Variants in KIAA0753 observed in about 807,000 individuals in gnomAD.
KIAA0753 encodes the protein protein moonraker.
In KIAA0753, 114 loss-of-function variants were observed where a neutral mutation model predicts 116.9. That is an observed-to-expected ratio of 0.98 (90% CI 0.84 to 1.14). KIAA0753 has a LOEUF of 1.14. KIAA0753 is among the 50% of genes most tolerant of loss of function. The pLI, the probability that KIAA0753 is intolerant of heterozygous loss-of-function variation, is 0.00. For missense variants in KIAA0753, 1,156 were observed against 1,172.4 expected (o/e 0.99, Z 0.20); for synonymous variants, 405 against 413.1 (o/e 0.98, Z 0.24).
Position 6,628,265 on chromosome 17 carries a change from C to T in KIAA0753, c.570G>A (p.Ser190=), listed in dbSNP as rs370512281. 2.2e-5 allele frequency: 36 copies of T among 1,613,876 alleles called. No individual in the cohort carries two copies. Among genetic ancestry groups the T allele is most frequent in the Non-Finnish European group, 2.9e-5 (34 of 1,180,012 alleles). Reference sequence around the variant, plus strand: ...GAAGTCCCGGATCATGGGTGGGTGGCGAATTTGGCACAGTAAGATCTGACT... The same window carrying T: ...GAAGTCCCGGATCATGGGTGGGTGGTGAATTTGGCACAGTAAGATCTGACT... ...PGQSDLTVPN[S]PPTHDPGLQP... is the part of the protein sequence containing the mutation. Residue 190 remains serine (S), a synonymous_variant, in exon 3 of 19, where the codon TCG becomes TCA. Transcript: ENST00000361413.
At chr17:6,623,707 G>C (rs1006564684) in intron 4 of KIAA0753, 136 bp from the exon 5 acceptor site, 5 of 1,292,804 alleles carry the variant, frequency 3.9e-6, no homozygotes, top group South Asian at 1.7e-5. Context: ...TGAAAAAAAG[G>C]CTCTTCATTC....
chr17:6,596,786 T>C (rs970144436), intron 14 of KIAA0753, among the ~76,000 whole-genome samples: 4 of 152,238 alleles, frequency 2.6e-5, no homozygotes, highest in African/African-American at 7.2e-5. Flanking sequence ...TTCTTTGTCT[T>C]TGAAACTCTG....
intron 16 of KIAA0753, 129 bp from the exon 17 acceptor site, chr17:6,590,759 G>C: frequency 2.4e-6 from 2 of 839,996 alleles, no homozygotes; most frequent in Non-Finnish European, 1.9e-6. Context: ...GGGTTGGCTA[G>C]CAGTGCAATG....
chr17:6,630,867 G>A (rs537578745), intron 2 of KIAA0753, among the ~76,000 whole-genome samples: 21 of 152,166 alleles, frequency 1.4e-4, no homozygotes, highest in African/African-American at 3.9e-4. Context: ...CTTCATATAA[G>A]AAAAGAAGAC....
rs139224894 is a variant in KIAA0753 at position 6,610,646 on chromosome 17, G to C, written c.1546-486C>G. On this transcript the variant is annotated intron_variant, in intron 8 of 18. Transcript: ENST00000361413. Reference sequence around the variant, plus strand: ...AGCGATTCTCCTGCCTTAGCCTCCTGAATAGCTGGGATCACAAGTGTTAGA... The same window carrying C: ...AGCGATTCTCCTGCCTTAGCCTCCTCAATAGCTGGGATCACAAGTGTTAGA... Among the ~76,000 whole-genome samples, 45 of 150,148 alleles carry C rather than the reference G, an allele frequency of 3.0e-4. No individual in the cohort carries two copies. The East Asian group carries it at 8.9e-3, about 30-fold the overall frequency.
intron 12 of KIAA0753, among the ~76,000 whole-genome samples, chr17:6,601,551 C>G (rs1420710918): frequency 6.6e-6 from 1 of 152,176 alleles, no homozygotes; most frequent in Non-Finnish European, 1.5e-5. Context: ...GTGTCCTTAA[C>G]AAACAGTCCA....
chr17:6,623,238 G>T, intron 5 of KIAA0753, 141 bp from the exon 6 acceptor site: 1 of 881,856 alleles, frequency 1.1e-6, no homozygotes, highest in Non-Finnish European at 1.7e-6. Flanking sequence ...AGTAAAGGGA[G>T]TTGTAAAGTT....
At chr17:6,624,536 CCACACACACACACA>C (rs55849399) in intron 4 of KIAA0753, among the ~76,000 whole-genome samples, 3 of 143,910 alleles carry the variant, frequency 2.1e-5, no homozygotes, top group African/African-American at 5.1e-5. Context: ...GAGTTTGGCG[CCACACACACACACA>C]CACACACACA....
rs1311096116 is a variant in KIAA0753 at position 6,628,385 on chromosome 17, CTT to C, written c.448_449del (p.Lys150GlufsTer8). On this transcript the variant is annotated frameshift_variant, in exon 3 of 19. Transcript: ENST00000361413. LOFTEE classifies it high-confidence loss of function. The part of the protein sequence containing the change: ...PDHRVERKES[K>X]SQAACQCSHQ... ...GGCTACACTGACAGGCTGCTTGACT[CTT>C]TGATTCCTTCCTTTCCACCCTGTGG... 38 of 1,614,070 alleles carry C rather than the reference CTT, an allele frequency of 2.4e-5. No homozygotes were observed. Among genetic ancestry groups the C allele is most frequent in the Non-Finnish European group, 3.1e-5 (37 of 1,180,030 alleles).
chr17:6,590,414 T>G, intron 17 of KIAA0753, 96 bp downstream of exon 17: 1 of 1,454,376 alleles, frequency 6.9e-7, no homozygotes, highest in Non-Finnish European at 9.4e-7. Context: ...AAAGGAAGAA[T>G]TTCTGTCTGT....
chr17:6,628,733 C>T lies in KIAA0753; in HGVS notation c.102G>A (p.Leu34=), dbSNP rs368784936. 1.3e-6 allele frequency: 2 copies of T among 1,584,862 alleles called. No individual in the cohort carries two copies. The highest frequency in any genetic ancestry group is 1.8e-5 in the Admixed American group (1 of 54,294). ...GTGTAGGAACATTCCTATTAAACTG[C>T]AGCTGGTTCTTTAAAAAGCAAATAA... ...DPKVLQTQNQ[L]QFNRNVPTHS... Residue 34 remains leucine (L), a synonymous_variant, in exon 3 of 19, where the codon CTG becomes CTA. Coordinates refer to ENST00000361413, the MANE Select transcript of KIAA0753 (RefSeq NM_014804.3).
chr17:6,635,147 G>A lies in KIAA0753; in HGVS notation c.-44C>T. 1 of 1,388,636 alleles carries A rather than the reference G, an allele frequency of 7.2e-7. No individual in the cohort carries two copies. Among genetic ancestry groups the A allele is most frequent in the Non-Finnish European group, 1.0e-6 (1 of 975,178 alleles). The allele number at this position is 1,388,636 out of a possible 1,614,324, so 86.0% of individuals were successfully genotyped here. A position where few individuals can be genotyped will look rare whatever the true frequency, so the allele number is the denominator to read the frequency against. On this transcript the variant is annotated 5_prime_UTR_variant, in exon 2 of 19. Transcript: ENST00000361413. ...ACAATAGTGACAGCCTTGTCATCCG[G>A]CAACAGTCTTCCCTAAAACCATTCC...
At chr17:6,596,651 T>C (rs1369700033) in intron 14 of KIAA0753, among the ~76,000 whole-genome samples, 1 of 152,254 alleles carries the variant, frequency 6.6e-6, no homozygotes, top group Non-Finnish European at 1.5e-5. Context: ...AATATCTTCC[T>C]TTTGCTACAT....
chr17:6,591,038 A>AAGGAAGAAGGAAGAAGG lies in KIAA0753; in HGVS notation c.2441-409_2441-408insCCTTCTTCCTTCTTCCT, dbSNP rs1567540446. 7.8e-4 allele frequency among the ~76,000 whole-genome samples: 63 copies of AAGGAAGAAGGAAGAAGG among 80,786 alleles called. 2 individuals carry two copies. The highest frequency in any genetic ancestry group is 3.6e-3 in the African/African-American group (60 of 16,708). 53.0% of individuals were successfully genotyped at this position (80,786 alleles called of 152,430 possible). On this transcript the variant is annotated intron_variant, in intron 16 of 18. Transcript: ENST00000361413. The stretch of plus-strand genomic sequence containing the variant: ...GAAGAAGGAAGAAGGAAGAAGGAAG[A>AAGGAAGAAGGAAGAAGG]AGGAAGAAGAAGAAGAAGAAGAAGA...
intron 2 of KIAA0753, among the ~76,000 whole-genome samples, chr17:6,633,946 T>G (rs528342414): frequency 6.6e-6 from 1 of 152,046 alleles, no homozygotes; most frequent in African/African-American, 2.4e-5. Flanking sequence ...ATGATCTGTA[T>G]CTTGATAGAG....
chr17:6,629,834 C>T lies in KIAA0753; in HGVS notation c.94-1093G>A, dbSNP rs142307664. Reference sequence around the variant, plus strand: ...GGATTTTTAAAAAGTAGTTAGAAAGCTCACTAAAGAAAAAACAAATAGGTA... The same window carrying T: ...GGATTTTTAAAAAGTAGTTAGAAAGTTCACTAAAGAAAAAACAAATAGGTA... On this transcript the variant is annotated intron_variant, in intron 2 of 18. Transcript: ENST00000361413. Among the ~76,000 whole-genome samples, 47 of 152,270 alleles carry T rather than the reference C, an allele frequency of 3.1e-4. No individual in the cohort carries two copies. In the East Asian group the frequency reaches 8.9e-3, roughly 29 times the overall value.
intron 14 of KIAA0753, 76 bp from the exon 15 acceptor site, chr17:6,596,419 A>G: frequency 1.7e-6 from 2 of 1,149,276 alleles, no homozygotes; most frequent in Non-Finnish European, 2.5e-6. Context: ...TGAAAACAGA[A>G]AAACATAAAA....
At chr17:6,602,881 T>C (rs916196162) in intron 12 of KIAA0753, among the ~76,000 whole-genome samples, 4 of 152,002 alleles carry the variant, frequency 2.6e-5, no homozygotes, top group African/African-American at 9.7e-5. Context: ...CATGAGAAGA[T>C]AGCCAAGATT....
At chr17:6,600,142 C>T (rs1969763155) in intron 13 of KIAA0753, among the ~76,000 whole-genome samples, 2 of 152,328 alleles carry the variant, frequency 1.3e-5, no homozygotes, top group Middle Eastern at 3.4e-3. Context: ...ACAATCCCAA[C>T]TTGTTTCCCA....
Sources: gnomAD v4.1 joint callset for allele counts (sites outside exome capture counted in the v4.1 genomes callset) on GRCh38, gnomAD v4.1.1 for gene constraint, MANE v1.5 for transcripts, NCBI Gene and HGNC (gene_info 2026-07-23, HGNC 2026-07-21) for gene names.